Variants in PDS5B observed in about 807,000 individuals in gnomAD.
PDS5B encodes sister chromatid cohesion protein PDS5 homolog B.
A neutral mutation model predicts 184.1 loss-of-function variants in PDS5B; 51 were observed. The ratio of observed to expected loss-of-function variants is 0.28; its 90% CI spans 0.22 to 0.35. PDS5B has a LOEUF of 0.35. Among genes scored for constraint, PDS5B ranks in the 10% least tolerant of loss-of-function variants. The pLI is 1.00. For synonymous variants in PDS5B, 566 were observed against 569.2 expected (o/e 0.99, Z 0.08); for missense variants, 1,180 against 1,723.3 (o/e 0.68, Z 5.58).
At position 32,775,266 on chromosome 13, in the gene PDS5B, T is replaced by C. The variant is rs912654503; in HGVS notation, c.*214T>C. On this transcript the variant is annotated 3_prime_UTR_variant, in exon 35 of 35. Transcript: ENST00000315596. ...TTGACTATGGAGTCTTGTGAAAGTGTAATGTGCGATGGCTATGTAGACATA... is the reference window on the plus strand; with the variant it reads ...TTGACTATGGAGTCTTGTGAAAGTGCAATGTGCGATGGCTATGTAGACATA... The C allele has an allele frequency of 1.8e-6, 1 of 566,774 alleles. No individual in the cohort carries two copies. Among genetic ancestry groups the C allele is most frequent in the Non-Finnish European group, 3.1e-6 (1 of 319,158 alleles). 35.1% of individuals were successfully genotyped at this position (566,774 alleles called of 1,614,324 possible). A position where few individuals can be genotyped will look rare whatever the true frequency, so the allele number is the denominator to read the frequency against.
chr13:32,762,612 T>C (rs920591135), intron 30 of PDS5B, among the ~76,000 whole-genome samples: 1 of 152,134 alleles, frequency 6.6e-6, no homozygotes, highest in Non-Finnish European at 1.5e-5. Flanking sequence ...GAATTCCTTA[T>C]TATAATCAAA....
chr13:32,717,123 C>T (rs1232025770), intron 19 of PDS5B, among the ~76,000 whole-genome samples: 2 of 152,128 alleles, frequency 1.3e-5, no homozygotes, highest in Admixed American at 1.3e-4. Context: ...AGGGGCGCCT[C>T]TGCCCGGCCG....
chr13:32,593,962 C>G (rs1412720561), intron 1 of PDS5B, among the ~76,000 whole-genome samples: 2 of 152,134 alleles, frequency 1.3e-5, no homozygotes, highest in Admixed American at 1.3e-4. Flanking sequence ...TACATATTTT[C>G]AACTAGCTAG....
chr13:32,706,330 A>T (rs1430990270), intron 17 of PDS5B, among the ~76,000 whole-genome samples: 1 of 151,602 alleles, frequency 6.6e-6, no homozygotes, highest in Non-Finnish European at 1.5e-5. Context: ...AAATAAAATA[A>T]CATAAGCTTG....
chr13:32,718,067 C>T (rs373015931), intron 19 of PDS5B, among the ~76,000 whole-genome samples: 1 of 151,980 alleles, frequency 6.6e-6, no homozygotes, highest in Non-Finnish European at 1.5e-5. Flanking sequence ...TATTAGTAAG[C>T]CTACTATTTA....
At chr13:32,716,968 TG>T (rs1300932748) in intron 19 of PDS5B, among the ~76,000 whole-genome samples, 2 of 79,780 alleles carry the variant, frequency 2.5e-5, no homozygotes, top group Non-Finnish European at 5.0e-5. Flanking sequence ...GGGAGGGAGG[TG>T]GGGGGGTCAG....
At position 32,773,207 on chromosome 13, in the gene PDS5B, A is replaced by C; in HGVS notation, c.4191A>C (p.Lys1397Asn). 1 of 1,612,518 alleles carries C rather than the reference A, an allele frequency of 6.2e-7. No individual in the cohort carries two copies. Among genetic ancestry groups the C allele is most frequent in the Non-Finnish European group, 8.5e-7 (1 of 1,179,326 alleles). ...ACTCTAGCCGTGTAGGACGCTCCAA[A>C]CAAGCAGCTACTAAGGAAAATGATT... is the stretch of plus-strand genomic sequence containing the variant. ...PKKNVRVGRS[K>N]QAATKENDSS... The change falls in exon 34 of 35, where the codon AAA (lysine) becomes AAC (asparagine). Residue 1397 changes from lysine (K) to asparagine (N), a missense_variant. This residue lies in a region of PDS5B where 465 missense variants were observed against 497.8 expected (regional missense o/e 0.93). Coordinates refer to ENST00000315596, the MANE Select transcript of PDS5B (RefSeq NM_015032.4).
chr13:32,727,818 A>T (rs1459065199), intron 19 of PDS5B, among the ~76,000 whole-genome samples: 4 of 151,202 alleles, frequency 2.6e-5, no homozygotes, highest in African/African-American at 9.7e-5. Context: ...GGTTATTTTA[A>T]TCAGATTTGG....
intron 1 of PDS5B, among the ~76,000 whole-genome samples, chr13:32,642,202 A>G (rs899684869): frequency 1.3e-5 from 2 of 152,060 alleles, no homozygotes; most frequent in East Asian, 3.9e-4. Flanking sequence ...GTCTAGCTCT[A>G]CTTTTTGCTG....
chr13:32,665,931 C>A (rs1010178159), intron 6 of PDS5B, among the ~76,000 whole-genome samples: 1 of 151,994 alleles, frequency 6.6e-6, no homozygotes, highest in Non-Finnish European at 1.5e-5. Flanking sequence ...TGTTTTCACT[C>A]GTGGGGGCTA....
rs564460974 is a variant in PDS5B, at chr13:32,767,722, A to G, written c.3625-2399A>G. 6.6e-5 allele frequency among the ~76,000 whole-genome samples: 10 copies of G among 152,286 alleles called. No individual in the cohort carries two copies. The South Asian group carries it at 2.1e-3, about 32-fold the overall frequency. On this transcript the variant is annotated intron_variant, in intron 31 of 34. Transcript: ENST00000315596. ...GAAAATCTCAAAACTGGAAGACTTG[A>G]AGAGAGAGAAGACAGGCCATGTTCT...
intron 1 of PDS5B, among the ~76,000 whole-genome samples, chr13:32,593,319 G>C (rs1408467198): frequency 1.3e-5 from 2 of 152,314 alleles, no homozygotes; most frequent in South Asian, 2.1e-4. Context: ...TTATTTCTCT[G>C]AACTTTGGTA....
At chr13:32,626,506 T>C (rs2058373032) in intron 1 of PDS5B, among the ~76,000 whole-genome samples, 1 of 152,246 alleles carries the variant, frequency 6.6e-6, no homozygotes, top group Admixed American at 6.5e-5. Context: ...TCTTTAATTA[T>C]TGTAGTCAGT....
chr13:32,628,245 G>T (rs1054910254), intron 1 of PDS5B, among the ~76,000 whole-genome samples: 4 of 151,838 alleles, frequency 2.6e-5, no homozygotes, highest in Non-Finnish European at 5.9e-5. Flanking sequence ...CCATTTTTAC[G>T]TATTTGCAAT....
intron 2 of PDS5B, chr13:32,649,710 A>G (rs1328420611): frequency 6.6e-6 from 1 of 152,186 alleles, no homozygotes; most frequent in Non-Finnish European, 1.5e-5. Context: ...TGCTAATACT[A>G]TCATAAATTT....
chr13:32,747,626 TC>T (rs1236413618), intron 24 of PDS5B, among the ~76,000 whole-genome samples: 1 of 151,928 alleles, frequency 6.6e-6, no homozygotes, highest in Non-Finnish European at 1.5e-5. Context: ...GCCCATAACT[TC>T]CTTGGTATAG....
chr13:32,730,077 A>G (rs1365328680), intron 19 of PDS5B, among the ~76,000 whole-genome samples: 2 of 152,060 alleles, frequency 1.3e-5, no homozygotes, highest in Non-Finnish European at 2.9e-5. Context: ...TTATGGTTTT[A>G]GGTTTTCCAT....
intron 1 of PDS5B, among the ~76,000 whole-genome samples, chr13:32,612,574 C>T (rs183627775): frequency 1.1e-4 from 16 of 152,194 alleles, no homozygotes; most frequent in Middle Eastern, 3.4e-3. Flanking sequence ...TGAATGGTTC[C>T]CCAAAGTTCA....
chr13:32,719,842 G>A (rs2140920709), intron 19 of PDS5B, among the ~76,000 whole-genome samples: 1 of 146,168 alleles, frequency 6.8e-6, no homozygotes, highest in East Asian at 2.0e-4. Flanking sequence ...AGGCTGTAGT[G>A]TAGTGGCTTG....
Sources: allele counts gnomAD v4.1 joint callset (sites outside exome capture counted in the v4.1 genomes callset), GRCh38; gene constraint gnomAD v4.1.1; regional missense constraint gnomAD v4.1.1; transcripts MANE v1.5; gene names NCBI Gene and HGNC (gene_info 2026-07-23, HGNC 2026-07-21).